CSGALNACT1: variants seen among roughly 807,000 people sequenced by gnomAD.
CSGALNACT1 encodes beta4GalNAcT-1.
In CSGALNACT1, 52 loss-of-function variants were observed where a neutral mutation model predicts 51.0. The ratio of observed to expected loss-of-function variants is 1.02; its 90% CI spans 0.82 to 1.29. The LOEUF is 1.29. CSGALNACT1 is among the 50% of genes most tolerant of loss of function. The pLI, the probability that CSGALNACT1 is intolerant of heterozygous loss-of-function variation, is 0.00. For missense variants in CSGALNACT1, 935 were observed against 679.2 expected (o/e 1.38, Z -4.19); for synonymous variants, 341 against 254.4 (o/e 1.34, Z -3.24).
At chr8:19,492,198 G>A (rs2074489194) in intron 4 of CSGALNACT1, among the ~76,000 whole-genome samples, 1 of 152,192 alleles carries the variant, frequency 6.6e-6, no homozygotes, top group African/African-American at 2.4e-5. Flanking sequence ...TCTTTTCAGA[G>A]AAGCACGTAT....
intron 6 of CSGALNACT1, among the ~76,000 whole-genome samples, chr8:19,429,593 G>A (rs2059338466): frequency 6.6e-6 from 1 of 152,160 alleles, no homozygotes; most frequent in African/African-American, 2.4e-5. Context: ...ATTCCATTGT[G>A]TGCTTATGTT....
At chr8:19,460,470 G>A (rs1054416021) in intron 4 of CSGALNACT1, among the ~76,000 whole-genome samples, 1 of 152,166 alleles carries the variant, frequency 6.6e-6, no homozygotes, top group Non-Finnish European at 1.5e-5. Context: ...ATCCACTGTT[G>A]TCTTGGAATG....
chr8:19,576,434 C>A (rs1220321063), intron 3 of CSGALNACT1, among the ~76,000 whole-genome samples: 1 of 152,080 alleles, frequency 6.6e-6, no homozygotes, highest in Non-Finnish European at 1.5e-5. Flanking sequence ...CTCAGATGAT[C>A]CAGTCGCCTC....
chr8:19,627,994 T>C (rs2054664232), intron 1 of CSGALNACT1, among the ~76,000 whole-genome samples: 1 of 152,202 alleles, frequency 6.6e-6, no homozygotes, highest in Admixed American at 6.5e-5. Context: ...GAACTCTCTG[T>C]ACTATTTTTT....
intron 8 of CSGALNACT1, among the ~76,000 whole-genome samples, chr8:19,409,803 G>A (rs1294029852): frequency 6.6e-6 from 1 of 152,038 alleles, no homozygotes; most frequent in Non-Finnish European, 1.5e-5. Context: ...CAGAGTCTTG[G>A]CCCAATGTGA....
chr8:19,527,161 CAACT>C (rs1248365678), intron 3 of CSGALNACT1, among the ~76,000 whole-genome samples: 1 of 152,128 alleles, frequency 6.6e-6, no homozygotes, highest in Non-Finnish European at 1.5e-5. Flanking sequence ...ATAAATCAAT[CAACT>C]AACTGCTAGG....
intron 6 of CSGALNACT1, among the ~76,000 whole-genome samples, chr8:19,432,193 C>G (rs985228300): frequency 1.3e-5 from 2 of 152,074 alleles, no homozygotes; most frequent in Non-Finnish European, 2.9e-5. Context: ...TGGGAATGTC[C>G]TAATTTTGCC....
chr8:19,735,509 G>A (rs2063921177), intron 1 of CSGALNACT1, among the ~76,000 whole-genome samples: 1 of 143,384 alleles, frequency 7.0e-6, no homozygotes, highest in South Asian at 2.2e-4. Flanking sequence ...TCATGAGCAA[G>A]TAACAGAAAA....
At chr8:19,712,984 A>G (rs544125678) in intron 1 of CSGALNACT1, among the ~76,000 whole-genome samples, 1 of 152,306 alleles carries the variant, frequency 6.6e-6, no homozygotes, top group Admixed American at 6.5e-5. Context: ...CCTCAAAACG[A>G]AAAAATACTA....
intron 3 of CSGALNACT1, among the ~76,000 whole-genome samples, chr8:19,533,109 G>A (rs961172967): frequency 7.3e-5 from 11 of 151,338 alleles, no homozygotes; most frequent in Admixed American, 6.6e-5. Context: ...GCAGTTTGAC[G>A]TTTTTGTTTT....
Position 19,706,912 on chromosome 8 carries a change from C to T in CSGALNACT1, c.-297+50938G>A, listed in dbSNP as rs142956537. Among the ~76,000 whole-genome samples, 259 of 152,256 alleles carry T rather than the reference C, an allele frequency of 1.7e-3. 1 individual carries two copies. The highest frequency in any genetic ancestry group is 6.1e-3 in the African/African-American group (255 of 41,532). The stretch of plus-strand genomic sequence containing the variant: ...AAAGTGCTGAGATTACAGGTGTGAG[C>T]AACTACACCTCTTTGGCCTCGTATC... On this transcript the variant is annotated intron_variant, in intron 1 of 1. Coordinates refer to the CSGALNACT1 transcript ENST00000517494.
chr8:19,624,957 G>A lies in CSGALNACT1; in HGVS notation c.-543-23092C>T, dbSNP rs1226789123. Among the ~76,000 whole-genome samples the A allele has an allele frequency of 2.6e-5, 4 of 152,176 alleles. No homozygotes were observed. The East Asian group carries it at 5.8e-4, about 22-fold the overall frequency. ...CTCCCAAAATGCCGGGATTACAGGCGTGAGCCACTGCACCCAGCCGGTTTC... is the reference window on the plus strand; with the variant it reads ...CTCCCAAAATGCCGGGATTACAGGCATGAGCCACTGCACCCAGCCGGTTTC... On this transcript the variant is annotated intron_variant, in intron 1 of 9. Transcript: ENST00000332246.
chr8:19,596,646 T>C (rs1286011954), intron 2 of CSGALNACT1, among the ~76,000 whole-genome samples: 2 of 150,166 alleles, frequency 1.3e-5, no homozygotes, highest in African/African-American at 4.9e-5. Context: ...ATCTTACCAC[T>C]GTAAATACAT....
At chr8:19,505,516 C>G (rs767572361) in exon 4 of CSGALNACT1, 3 of 1,614,028 alleles carry the variant, frequency 1.9e-6, no homozygotes, top group Admixed American at 1.7e-5. Flanking sequence ...CTGTCCAGAC[C>G]CAGGCCAGCA....
At chr8:19,645,991 T>G (rs1010392250) in intron 1 of CSGALNACT1, among the ~76,000 whole-genome samples, 7 of 152,056 alleles carry the variant, frequency 4.6e-5, no homozygotes, top group African/African-American at 1.7e-4. Context: ...GAAAAGCATG[T>G]TATAGAAAAT....
intron 5 of CSGALNACT1, among the ~76,000 whole-genome samples, chr8:19,451,331 G>A (rs1179221852): frequency 2.0e-5 from 3 of 152,046 alleles, no homozygotes; most frequent in Non-Finnish European, 4.4e-5. Flanking sequence ...ATTTCTAGGT[G>A]GACCTGTCCC....
intron 4 of CSGALNACT1, among the ~76,000 whole-genome samples, chr8:19,499,365 A>G (rs1355111705): frequency 6.6e-6 from 1 of 152,206 alleles, no homozygotes; most frequent in Non-Finnish European, 1.5e-5. Context: ...AGCCTCACTC[A>G]GCTTTGTGTG....
At chr8:19,500,264 C>T (rs2076194497) in intron 4 of CSGALNACT1, among the ~76,000 whole-genome samples, 1 of 152,084 alleles carries the variant, frequency 6.6e-6, no homozygotes, top group Non-Finnish European at 1.5e-5. Context: ...AGTTCCCAAG[C>T]CCAACTCACA....
chr8:19,650,197 T>C (rs2057673252), intron 1 of CSGALNACT1, among the ~76,000 whole-genome samples: 1 of 152,180 alleles, frequency 6.6e-6, no homozygotes, highest in African/African-American at 2.4e-5. Flanking sequence ...AGGCAATACA[T>C]AAAACTAAAT....
Sources: gnomAD v4.1 joint callset for allele counts (sites outside exome capture counted in the v4.1 genomes callset) on GRCh38, gnomAD v4.1.1 for gene constraint, MANE v1.5 for transcripts, NCBI Gene and HGNC (gene_info 2026-07-23, HGNC 2026-07-21) for gene names.